MACROD2: variants seen among roughly 807,000 people sequenced by gnomAD.
MACROD2 encodes mono-ADP ribosylhydrolase 2.
In MACROD2, 36 loss-of-function variants were observed where a neutral mutation model predicts 70.4. The observed-to-expected ratio is 0.51, with a 90% CI of 0.39 to 0.68. The LOEUF is 0.68. Among genes scored for constraint, MACROD2 ranks in the 30% least tolerant of loss-of-function variants. MACROD2 has a pLI of 0.00. For synonymous variants in MACROD2, 172 were observed against 178.8 expected (o/e 0.96, Z 0.30); for missense variants, 496 against 538.4 (o/e 0.92, Z 0.78).
At chr20:14,066,010 T>G (rs2053751643) in intron 2 of MACROD2, among the ~76,000 whole-genome samples, 1 of 152,128 alleles carries the variant, frequency 6.6e-6, no homozygotes, top group East Asian at 1.9e-4. Flanking sequence ...ATCCATAGAG[T>G]TCAAAGGTCT....
chr20:15,435,916 T>G (rs900311543), intron 7 of MACROD2, among the ~76,000 whole-genome samples: 3 of 152,160 alleles, frequency 2.0e-5, no homozygotes, highest in Non-Finnish European at 4.4e-5. Context: ...TTTAGTCATT[T>G]TCACAATGCT....
At chr20:15,183,080 C>G (rs773857924) in intron 5 of MACROD2, among the ~76,000 whole-genome samples, 1 of 152,136 alleles carries the variant, frequency 6.6e-6, no homozygotes, top group Non-Finnish European at 1.5e-5. Context: ...GGTTGCATTT[C>G]TTGCCTTTAT....
At position 15,175,172 on chromosome 20, in the gene MACROD2, G is replaced by A. The variant is rs954241727; in HGVS notation, c.419-54768G>A. ...AAATCATCATTCTCAGTAAACTATCGCAAGAACAAAAAACCAAACACCGCA... is the reference window on the plus strand; with the variant it reads ...AAATCATCATTCTCAGTAAACTATCACAAGAACAAAAAACCAAACACCGCA... On this transcript the variant is annotated intron_variant, in intron 5 of 17. Transcript: ENST00000684519. 1.6e-3 allele frequency among the ~76,000 whole-genome samples: 239 copies of A among 150,386 alleles called. 1 individual carries two copies. The highest frequency in any genetic ancestry group is 5.5e-3 in the African/African-American group (224 of 40,868).
At chr20:15,680,211 G>A (rs1009493040) in intron 8 of MACROD2, among the ~76,000 whole-genome samples, 5 of 152,102 alleles carry the variant, frequency 3.3e-5, no homozygotes, top group Non-Finnish European at 4.4e-5. Flanking sequence ...TTGCAGTGAC[G>A]GTGTTTCCAA....
At chr20:15,141,848 G>C (rs1351554923) in intron 5 of MACROD2, among the ~76,000 whole-genome samples, 5 of 152,102 alleles carry the variant, frequency 3.3e-5, no homozygotes, top group African/African-American at 9.7e-5. Flanking sequence ...GGGCCACTCT[G>C]ATCTGACCTG....
At chr20:14,787,720 T>A (rs1456350611) in intron 5 of MACROD2, among the ~76,000 whole-genome samples, 2 of 152,116 alleles carry the variant, frequency 1.3e-5, no homozygotes, top group Non-Finnish European at 2.9e-5. Context: ...GGACTTTCTA[T>A]TCCTTTCCAG....
chr20:15,693,330 C>T (rs759834659), intron 8 of MACROD2, among the ~76,000 whole-genome samples: 30 of 152,286 alleles, frequency 2.0e-4, no homozygotes, highest in Non-Finnish European at 3.4e-4. Flanking sequence ...TATCTCTCTG[C>T]GCTTCACACC....
At position 15,747,779 on chromosome 20, in the gene MACROD2, A is replaced by G. The variant is rs533785076; in HGVS notation, c.646-114966A>G. Among the ~76,000 whole-genome samples the G allele has an allele frequency of 3.3e-5, 5 of 152,008 alleles. No individual in the cohort carries two copies. In the South Asian group the frequency reaches 1.0e-3, roughly 32 times the overall value. On this transcript the variant is annotated intron_variant, in intron 8 of 17. Coordinates refer to ENST00000684519, the MANE Select transcript of MACROD2 (RefSeq NM_001351661.2). ...TTATTTCTTCCTTTCCAATTTGTAT[A>G]CCCTTATTTCCTTTTCTTGTCTTAT...
chr20:15,657,097 C>CAGGAAGA (rs1256042016), intron 8 of MACROD2, among the ~76,000 whole-genome samples: 1 of 151,800 alleles, frequency 6.6e-6, no homozygotes, highest in African/African-American at 2.4e-5. Context: ...AAGGTAAGGA[C>CAGGAAGA]AGGAAGAAGG....
chr20:14,974,477 G>A (rs2074719922), intron 5 of MACROD2, among the ~76,000 whole-genome samples: 1 of 152,114 alleles, frequency 6.6e-6, no homozygotes, highest in Non-Finnish European at 1.5e-5. Context: ...ATTTCAGAAG[G>A]TTTTAGGATG....
chr20:14,104,683 C>T (rs187012145), intron 3 of MACROD2, among the ~76,000 whole-genome samples: 280 of 152,222 alleles, frequency 1.8e-3, no homozygotes, highest in South Asian at 0.016. Context: ...CCATTGGTGA[C>T]GTATAAGCCA....
chr20:15,266,554 G>A (rs2077296379), intron 6 of MACROD2, among the ~76,000 whole-genome samples: 1 of 152,148 alleles, frequency 6.6e-6, no homozygotes, highest in Non-Finnish European at 1.5e-5. Flanking sequence ...TCTCTTACCT[G>A]GTCAGCTGCA....
At chr20:14,780,948 G>A (rs919647066) in intron 5 of MACROD2, among the ~76,000 whole-genome samples, 25 of 151,508 alleles carry the variant, frequency 1.7e-4, no homozygotes, top group African/African-American at 6.1e-4. Flanking sequence ...TTTATTTAAG[G>A]GGCATACAGT....
intron 2 of MACROD2, among the ~76,000 whole-genome samples, chr20:14,062,100 C>T (rs1005810842): frequency 9.2e-5 from 14 of 152,142 alleles, no homozygotes; most frequent in African/African-American, 3.4e-4. Context: ...AAGTCATTAA[C>T]ATTTCTGCAT....
At chr20:14,836,725 G>A (rs2073034033) in intron 5 of MACROD2, among the ~76,000 whole-genome samples, 1 of 152,008 alleles carries the variant, frequency 6.6e-6, no homozygotes, top group Non-Finnish European at 1.5e-5. Context: ...GTCCATAGAG[G>A]CTTGTTAATA....
At chr20:15,759,293 G>T (rs2051400155) in intron 8 of MACROD2, among the ~76,000 whole-genome samples, 2 of 151,418 alleles carry the variant, frequency 1.3e-5, no homozygotes, top group Non-Finnish European at 2.9e-5. Flanking sequence ...TGCCAAAAAA[G>T]AAAAAAGACA....
chr20:15,750,901 A>G (rs533412535), intron 8 of MACROD2, among the ~76,000 whole-genome samples: 2 of 151,724 alleles, frequency 1.3e-5, no homozygotes, highest in Non-Finnish European at 2.9e-5. Context: ...ACAACAGAAA[A>G]TATTTTAAGA....
At chr20:14,203,662 A>G (rs563085757) in intron 3 of MACROD2, among the ~76,000 whole-genome samples, 118 of 152,274 alleles carry the variant, frequency 7.7e-4, no homozygotes, top group African/African-American at 2.6e-3. Context: ...AATCAGTGTC[A>G]ATGGTGTGAG....
intron 5 of MACROD2, among the ~76,000 whole-genome samples, chr20:14,945,240 CCCAAGT>C: frequency 6.6e-6 from 1 of 152,098 alleles, no homozygotes; most frequent in Non-Finnish European, 1.5e-5. Context: ...GCCTCAGCCT[CCCAAGT>C]AGCTGGGATT....
Sources: allele counts gnomAD v4.1 joint callset (sites outside exome capture counted in the v4.1 genomes callset), GRCh38; gene constraint gnomAD v4.1.1; transcripts MANE v1.5; gene names NCBI Gene and HGNC (gene_info 2026-07-23, HGNC 2026-07-21).